The following ACSM6 variants were observed in gnomAD, a reference collection of about 807,000 sequenced individuals.
ACSM6 encodes the protein acyl-coenzyme A synthetase ACSM6, mitochondrial.
Under a neutral mutation model 51.1 loss-of-function variants are expected in ACSM6, and 35 were observed. The ratio of observed to expected loss-of-function variants is 0.69; its 90% CI spans 0.52 to 0.91. ACSM6 has a LOEUF of 0.91. Ranked by LOEUF, ACSM6 falls within the 40% of genes least tolerant of loss-of-function variation. ACSM6 has a pLI of 0.00. For synonymous variants in ACSM6, 172 were observed against 207.3 expected, an observed-to-expected ratio of 0.83 and a Z score of 1.46; for missense variants, 509 against 584.1, an observed-to-expected ratio of 0.87 and a Z score of 1.32.
At chr10:95,202,780 GA>G (rs35159717) in intron 3 of ACSM6, among the ~76,000 whole-genome samples, 4 of 149,250 alleles carry the variant, frequency 2.7e-5, no homozygotes, top group Non-Finnish European at 1.5e-5. Flanking sequence ...ACACAAAGCA[GA>G]AAAAAAAAAT....
chr10:95,194,667 A>G (rs1270932290), exon 2 of ACSM6: 12 of 1,551,808 alleles, frequency 7.7e-6, no homozygotes, highest in Non-Finnish European at 1.0e-5. Context: ...CAGTGGTCCC[A>G]GCTGGAAAAG....
At chr10:95,196,702 A>G (rs912768794) in intron 2 of ACSM6, among the ~76,000 whole-genome samples, 2 of 152,222 alleles carry the variant, frequency 1.3e-5, no homozygotes, top group Non-Finnish European at 2.9e-5. Context: ...TCCAAACACT[A>G]TGCTGTGAAA....
exon 5 of ACSM6, chr10:95,210,700 T>C (rs2034884866): frequency 1.9e-6 from 3 of 1,613,942 alleles, no homozygotes; most frequent in Non-Finnish European, 1.7e-6. Flanking sequence ...CAAGATCCAA[T>C]GGCCATATTC....
intron 9 of ACSM6, among the ~76,000 whole-genome samples, chr10:95,222,591 C>T (rs1359590063): frequency 6.6e-6 from 1 of 151,118 alleles, no homozygotes; most frequent in Non-Finnish European, 1.5e-5. Flanking sequence ...CCACTGCACT[C>T]CAGCCTGGGT....
chr10:95,218,166 C>A (rs1332618454), intron 8 of ACSM6, among the ~76,000 whole-genome samples: 1 of 152,170 alleles, frequency 6.6e-6, no homozygotes, highest in South Asian at 2.1e-4. Flanking sequence ...TGAAATAAGG[C>A]AAGGTTGATA....
At chr10:95,205,377 T>C (rs1428008530) in intron 3 of ACSM6, among the ~76,000 whole-genome samples, 1 of 152,108 alleles carries the variant, frequency 6.6e-6, no homozygotes, top group African/African-American at 2.4e-5. Flanking sequence ...GCAGACGCAA[T>C]GTCAGTGAGG....
chr10:95,210,894 AC>A, intron 5 of ACSM6, 101 bp downstream of exon 5: 1 of 1,364,206 alleles, frequency 7.3e-7, no homozygotes, highest in African/African-American at 1.5e-5. Flanking sequence ...CTTACTCAAG[AC>A]TGCAGAAAGT....
At chr10:95,201,737 A>C in intron 2 of ACSM6, 1 of 562,152 alleles carries the variant, frequency 1.8e-6, no homozygotes, top group Non-Finnish European at 3.2e-6. Context: ...TTCACGTTAC[A>C]TGCTGAGTTC....
intron 8 of ACSM6, among the ~76,000 whole-genome samples, chr10:95,216,265 G>A (rs902469931): frequency 3.9e-5 from 6 of 152,134 alleles, no homozygotes; most frequent in Non-Finnish European, 7.4e-5. Context: ...ATCCCATCAT[G>A]AGAGTGCCAC....
exon 3 of ACSM6, chr10:95,202,194 G>C (rs2034801386): frequency 6.4e-7 from 1 of 1,551,780 alleles, no homozygotes; most frequent in South Asian, 1.2e-5. Context: ...GTGTGCGCTT[G>C]GGTGAGGCAT....
chr10:95,206,323 G>A (rs1248258758), intron 3 of ACSM6, among the ~76,000 whole-genome samples: 1 of 152,138 alleles, frequency 6.6e-6, no homozygotes, highest in East Asian at 1.9e-4. Flanking sequence ...TATAGCATGT[G>A]TCAGTACTCC....
chr10:95,198,827 C>A (rs1321708666), intron 2 of ACSM6, among the ~76,000 whole-genome samples: 1 of 152,032 alleles, frequency 6.6e-6, no homozygotes, highest in Admixed American at 6.6e-5. Context: ...AGGCCCATCC[C>A]ATCCCTGCCA....
At chr10:95,215,286 C>G (rs1230835837) in intron 8 of ACSM6, among the ~76,000 whole-genome samples, 1 of 152,080 alleles carries the variant, frequency 6.6e-6, no homozygotes, top group Admixed American at 6.6e-5. Flanking sequence ...GGGTACAAGT[C>G]TGAGTGGAGG....
chr10:95,221,799 A>G lies in ACSM6; in HGVS notation c.1200+1828A>G, dbSNP rs998965764. 5.7e-4 allele frequency among the ~76,000 whole-genome samples: 87 copies of G among 152,214 alleles called. 1 individual carries two copies. The highest frequency in any genetic ancestry group is 2.0e-3 in the African/African-American group (82 of 41,450). The stretch of plus-strand genomic sequence containing the variant: ...CCAAATGCCTTCACAGATGCATTCT[A>G]CCAGAATGAGGGACAAAGATGACAT... On this transcript the variant is annotated intron_variant, in intron 9 of 10. Coordinates refer to ENST00000341686, the Ensembl canonical transcript of ACSM6.
chr10:95,197,939 C>T (rs1275640426), intron 2 of ACSM6, among the ~76,000 whole-genome samples: 10 of 152,154 alleles, frequency 6.6e-5, no homozygotes, highest in African/African-American at 1.7e-4. Context: ...TAGAGAATGG[C>T]GATGACTTTT....
rs766388496 is a variant in ACSM6, at chr10:95,219,945, AAGC to A, written c.1175_1177del (p.Lys392_Pro393delinsThr). The A allele has an allele frequency of 3.7e-6, 6 of 1,613,350 alleles. No homozygotes were observed. The Admixed American group carries it at 1.0e-4, about 27-fold the overall frequency. ...AAAATTGAAGCCAAGCTCTCTGGGG[AAGC>A]CATTGCCACCTTATATTGTCCAGGT... On this transcript the variant is annotated inframe_deletion, in exon 9 of 11. Coordinates refer to ENST00000341686, the Ensembl canonical transcript of ACSM6.
exon 2 of ACSM6, chr10:95,194,617 A>G: frequency 6.4e-7 from 1 of 1,552,212 alleles, no homozygotes; most frequent in Non-Finnish European, 8.7e-7. Context: ...TAGTCCAAGC[A>G]GTTTCTCAGA....
intron 9 of ACSM6, among the ~76,000 whole-genome samples, chr10:95,221,368 C>T (rs1353175105): frequency 6.6e-6 from 1 of 152,176 alleles, no homozygotes; most frequent in Non-Finnish European, 1.5e-5. Flanking sequence ...CAGTGGATCA[C>T]TTGAGGTCAA....
In ACSM6 at chr10:95,207,986, C is replaced by T. The variant is rs940494159; in HGVS notation, c.611+571C>T. 3.3e-5 allele frequency among the ~76,000 whole-genome samples: 5 copies of T among 151,886 alleles called. No individual in the cohort carries two copies. In the South Asian group the frequency reaches 1.0e-3, roughly 32 times the overall value. ...TGAAACCCCGTCTCTACTAAAAGTACAAAAATTAGCTGGGTGTGGTGGCAC... is the reference window on the plus strand; with the variant it reads ...TGAAACCCCGTCTCTACTAAAAGTATAAAAATTAGCTGGGTGTGGTGGCAC... On this transcript the variant is annotated intron_variant, in intron 4 of 10. Transcript: ENST00000341686.
Sources: allele counts gnomAD v4.1 joint callset (sites outside exome capture counted in the v4.1 genomes callset), GRCh38; gene constraint gnomAD v4.1.1; transcripts MANE v1.5; gene names NCBI Gene and HGNC (gene_info 2026-07-23, HGNC 2026-07-21).